Variants in NRCAM observed in about 807,000 individuals in gnomAD.
NRCAM encodes the protein NgCAM-related cell adhesion molecule.
In NRCAM, 83 loss-of-function variants were observed where a neutral mutation model predicts 156.5. The ratio of observed to expected loss-of-function variants is 0.53; its 90% CI spans 0.44 to 0.64. The LOEUF is 0.64. NRCAM is among the 30% of genes least tolerant of loss of function. The pLI, the probability that NRCAM is intolerant of heterozygous loss-of-function variation, is 0.00. For synonymous variants in NRCAM, 538 were observed against 563.9 expected, an observed-to-expected ratio of 0.95 and a Z score of 0.65; for missense variants, 1,417 against 1,597.3, an observed-to-expected ratio of 0.89 and a Z score of 1.92.
chr7:108,364,187 TG>T (rs1181154904), intron 2 of NRCAM, among the ~76,000 whole-genome samples: 1 of 152,180 alleles, frequency 6.6e-6, no homozygotes, highest in Non-Finnish European at 1.5e-5. Context: ...ATTTAAAAGA[TG>T]GGCAAAGGAT....
intron 1 of NRCAM, among the ~76,000 whole-genome samples, chr7:108,428,189 T>C (rs1267637992): frequency 1.3e-5 from 2 of 152,196 alleles, no homozygotes; most frequent in African/African-American, 4.8e-5. Context: ...CTATTTATTA[T>C]ATTATACATA....
chr7:108,370,809 C>T (rs1023073318), intron 2 of NRCAM, among the ~76,000 whole-genome samples: 17 of 152,076 alleles, frequency 1.1e-4, no homozygotes, highest in African/African-American at 3.9e-4. Context: ...CACCCACATT[C>T]CCAGGCTTAA....
At chr7:108,319,394 T>C (rs1377154459) in intron 2 of NRCAM, among the ~76,000 whole-genome samples, 1 of 152,134 alleles carries the variant, frequency 6.6e-6, no homozygotes, top group Non-Finnish European at 1.5e-5. Flanking sequence ...ATAGAAAAAA[T>C]CCCTGCCCTC....
chr7:108,380,772 A>G (rs544563583), intron 2 of NRCAM, among the ~76,000 whole-genome samples: 1 of 152,276 alleles, frequency 6.6e-6, no homozygotes, highest in African/African-American at 2.4e-5. Flanking sequence ...CCTGGGCTCA[A>G]GTGATCTTCC....
rs1450191495 is a variant in NRCAM at position 108,234,628 on chromosome 7, TC to T, written c.184del (p.Glu62ArgfsTer4). 6.2e-7 allele frequency: 1 copy of T among 1,613,206 alleles called. No homozygotes were observed. Among genetic ancestry groups the T allele is most frequent in the South Asian group, 1.1e-5 (1 of 91,044 alleles). On this transcript the variant is annotated frameshift_variant, in exon 6 of 33. Transcript: ENST00000379028. LOFTEE classifies it high-confidence loss of function. The stretch of plus-strand genomic sequence containing the variant: ...GGCTTCACACTGGATTACAATATTC[TC>T]CCGAGGGTCAATAATGTAATCTTTT... ...SPKDYIIDPR[E>X]NIVIQCEAKG...
chr7:108,355,258 T>TGAACAGATGTGAA (rs1251478523), intron 2 of NRCAM, among the ~76,000 whole-genome samples: 5 of 152,124 alleles, frequency 3.3e-5, no homozygotes, highest in Non-Finnish European at 7.3e-5. Context: ...TAAGAAAAGG[T>TGAACAGATGTGAA]CTGAAAGAAC....
At chr7:108,348,632 G>A (rs1011716012) in intron 2 of NRCAM, among the ~76,000 whole-genome samples, 8 of 152,076 alleles carry the variant, frequency 5.3e-5, no homozygotes, top group African/African-American at 1.9e-4. Context: ...TAAGAATTGG[G>A]GCCGGGCGTA....
intron 2 of NRCAM, among the ~76,000 whole-genome samples, chr7:108,378,350 T>C (rs1011381567): frequency 4.6e-5 from 7 of 151,770 alleles, no homozygotes; most frequent in African/African-American, 1.7e-4. Flanking sequence ...AACAAGTTAA[T>C]AAGACACAGG....
At chr7:108,295,800 TGACAA>T in intron 3 of NRCAM, among the ~76,000 whole-genome samples, 1 of 152,346 alleles carries the variant, frequency 6.6e-6, no homozygotes, top group Non-Finnish European at 1.5e-5. Context: ...ACAGCATTTG[TGACAA>T]CCACCAAAGT....
At chr7:108,366,019 G>A (rs1161995541) in intron 2 of NRCAM, among the ~76,000 whole-genome samples, 1 of 152,108 alleles carries the variant, frequency 6.6e-6, no homozygotes, top group Non-Finnish European at 1.5e-5. Flanking sequence ...GGAGGAGACT[G>A]GGGCCCTCAT....
chr7:108,207,439 A>G, intron 13 of NRCAM, 89 bp downstream of exon 13: 1 of 1,371,890 alleles, frequency 7.3e-7, no homozygotes, highest in Non-Finnish European at 1.0e-6. Context: ...CCTTAACCTG[A>G]GTTATTTTTT....
chr7:108,217,348 G>A (rs2089786744), intron 11 of NRCAM, among the ~76,000 whole-genome samples: 1 of 152,198 alleles, frequency 6.6e-6, no homozygotes, highest in Non-Finnish European at 1.5e-5. Context: ...TGTATGAGGT[G>A]TCTGTCGACC....
At chr7:108,175,203 T>TC in intron 28 of NRCAM, 119 bp downstream of exon 28, 1 of 689,370 alleles carries the variant, frequency 1.5e-6, no homozygotes, top group Non-Finnish European at 2.3e-6. Flanking sequence ...TTGGATGAGA[T>TC]CTTCTCTTCT....
intron 2 of NRCAM, among the ~76,000 whole-genome samples, chr7:108,352,290 T>A (rs1470622391): frequency 2.0e-5 from 3 of 152,164 alleles, no homozygotes; most frequent in Admixed American, 1.3e-4. Flanking sequence ...TTGTAATGTT[T>A]CCCCAGCAAT....
At chr7:108,355,055 A>G (rs2099478392) in intron 2 of NRCAM, among the ~76,000 whole-genome samples, 1 of 152,256 alleles carries the variant, frequency 6.6e-6, no homozygotes, top group African/African-American at 2.4e-5. Context: ...GGTTTTAGAG[A>G]GCTCTGCTCC....
At chr7:108,183,253 C>G (rs2064521940) in intron 22 of NRCAM, among the ~76,000 whole-genome samples, 1 of 151,772 alleles carries the variant, frequency 6.6e-6, no homozygotes, top group Non-Finnish European at 1.5e-5. Flanking sequence ...CCTGTTTGTG[C>G]AATAGTACAT....
At chr7:108,193,892 ATCTC>A in intron 17 of NRCAM, 128 bp downstream of exon 17, 3 of 815,122 alleles carry the variant, frequency 3.7e-6, no homozygotes, top group Non-Finnish European at 5.6e-6. Flanking sequence ...GAAAATGCTT[ATCTC>A]TCTATTTTGG....
chr7:108,263,114 A>G (rs1375247486), intron 3 of NRCAM, among the ~76,000 whole-genome samples: 4 of 152,218 alleles, frequency 2.6e-5, no homozygotes, highest in African/African-American at 9.6e-5. Flanking sequence ...TGAGTGTCTC[A>G]TCCCTACGGC....
Position 108,240,139 on chromosome 7 carries a change from G to T in NRCAM, c.-75C>A. Reference sequence around the variant, plus strand: ...CACAAAAGATTTTGTGAAACGTTGTGTGCAACGTTTAAGTAATTTTCATGC... The same window carrying T: ...CACAAAAGATTTTGTGAAACGTTGTTTGCAACGTTTAAGTAATTTTCATGC... On this transcript the variant is annotated 5_prime_UTR_variant, in exon 4 of 33. Coordinates refer to ENST00000379028, the MANE Select transcript of NRCAM (RefSeq NM_001037132.4). 1.0e-6 allele frequency: 1 copy of T among 986,244 alleles called. No individual in the cohort carries two copies. Among genetic ancestry groups the T allele is most frequent in the Non-Finnish European group, 1.6e-6 (1 of 628,850 alleles). 61.1% of individuals were successfully genotyped at this position (986,244 alleles called of 1,614,324 possible).
Sources: gnomAD v4.1 joint callset for allele counts (sites outside exome capture counted in the v4.1 genomes callset) on GRCh38, gnomAD v4.1.1 for gene constraint, MANE v1.5 for transcripts, NCBI Gene and HGNC (gene_info 2026-07-23, HGNC 2026-07-21) for gene names.